Variants in DPYD observed in about 807,000 individuals in gnomAD.
DPYD encodes dihydropyrimidine dehydrogenase.
DPYD carries 109 observed loss-of-function variants against 116.2 expected under a neutral mutation model. That is an observed-to-expected ratio of 0.94 (90% CI 0.80 to 1.10). The LOEUF (loss-of-function observed/expected upper bound fraction) is 1.10, where lower values mean the gene tolerates loss of function less well. Ranked by LOEUF, DPYD falls within the 50% of genes least tolerant of loss-of-function variation. The pLI, the probability that DPYD is intolerant of heterozygous loss-of-function variation, is 0.00. For synonymous variants in DPYD, 440 were observed against 432.0 expected (o/e 1.02, Z -0.23); for missense variants, 1,302 against 1,254.5 (o/e 1.04, Z -0.57).
chr1:97,586,511 T>C (rs1557818849), intron 10 of DPYD, among the ~76,000 whole-genome samples: 1 of 100,910 alleles, frequency 9.9e-6, no homozygotes, highest in Non-Finnish European at 2.1e-5. Context: ...TATATATATA[T>C]ATATATATGC....
intron 11 of DPYD, among the ~76,000 whole-genome samples, chr1:97,572,439 T>C (rs557842074): frequency 1.3e-5 from 2 of 151,936 alleles, no homozygotes; most frequent in Non-Finnish European, 2.9e-5. Context: ...AATATTAGGA[T>C]TGTCAATTAT....
chr1:97,526,326 T>C (rs1649093168), intron 12 of DPYD, among the ~76,000 whole-genome samples: 1 of 152,120 alleles, frequency 6.6e-6, no homozygotes, highest in Non-Finnish European at 1.5e-5. Context: ...CTTCTCCCTC[T>C]TCCAATTGGC....
intron 13 of DPYD, among the ~76,000 whole-genome samples, chr1:97,469,411 A>AAAAAAAAAAAAAAAAAAAAAAAAAAAAG (rs1677512555): frequency 7.0e-6 from 1 of 143,006 alleles, no homozygotes; most frequent in African/African-American, 2.5e-5. Flanking sequence ...AAAAAAAAAA[A>AAAAAAAAAAAAAAAAAAAAAAAAAAAAG]AAAAAAAAAA....
intron 4 of DPYD, among the ~76,000 whole-genome samples, chr1:97,724,906 A>C (rs897911035): frequency 6.7e-6 from 1 of 149,352 alleles, no homozygotes; most frequent in Admixed American, 6.7e-5. Context: ...GGAGGGATAG[A>C]GATAGAGAAG....
intron 8 of DPYD, among the ~76,000 whole-genome samples, chr1:97,614,459 C>G (rs781302913): frequency 3.9e-5 from 6 of 151,982 alleles, no homozygotes; most frequent in Non-Finnish European, 7.4e-5. Context: ...CACATAAATA[C>G]TTTTAATAAA....
intron 16 of DPYD, among the ~76,000 whole-genome samples, chr1:97,357,789 G>A (rs368080152): frequency 5.7e-4 from 87 of 152,202 alleles, no homozygotes; most frequent in African/African-American, 1.6e-3. Flanking sequence ...ATATGTTTCC[G>A]TTTCTGAGTT....
At chr1:97,848,539 A>C (rs182114668) in intron 2 of DPYD, among the ~76,000 whole-genome samples, 1 of 152,360 alleles carries the variant, frequency 6.6e-6, no homozygotes, top group East Asian at 1.9e-4. Context: ...AAATGCAATT[A>C]TATTTTATGT....
chr1:97,605,060 C>A (rs1299427587), intron 8 of DPYD, among the ~76,000 whole-genome samples: 1 of 152,086 alleles, frequency 6.6e-6, no homozygotes, highest in African/African-American at 2.4e-5. Context: ...AATGTCTTTT[C>A]AAGTGTACAG....
intron 13 of DPYD, among the ~76,000 whole-genome samples, chr1:97,471,589 C>T (rs1032182245): frequency 3.4e-5 from 5 of 147,386 alleles, no homozygotes; most frequent in Non-Finnish European, 7.5e-5. Flanking sequence ...GATCGTCCCA[C>T]TTTCCTTTTT....
chr1:97,662,374 A>C (rs1659316774), intron 8 of DPYD, among the ~76,000 whole-genome samples: 1 of 151,756 alleles, frequency 6.6e-6, no homozygotes, highest in Non-Finnish European at 1.5e-5. Context: ...CTGATATTAA[A>C]ACACAGTGCT....
chr1:97,376,836 T>C (rs900976279), intron 15 of DPYD, among the ~76,000 whole-genome samples: 16 of 151,016 alleles, frequency 1.1e-4, no homozygotes, highest in Admixed American at 7.3e-4. Context: ...CTATTTATCA[T>C]CCATCTATAC....
chr1:97,475,309 A>G (rs766823334), intron 13 of DPYD, among the ~76,000 whole-genome samples: 1 of 152,198 alleles, frequency 6.6e-6, no homozygotes, highest in Non-Finnish European at 1.5e-5. Flanking sequence ...TATATTAAAA[A>G]CATATAGATA....
At chr1:97,871,589 C>CAA (rs370937833) in intron 2 of DPYD, among the ~76,000 whole-genome samples, 53 of 114,210 alleles carry the variant, frequency 4.6e-4, no homozygotes, top group Admixed American at 1.1e-3. Flanking sequence ...GAAATACAGG[C>CAA]AAAAAAAAAA....
At chr1:97,118,664 A>T (rs957757793) in intron 20 of DPYD, among the ~76,000 whole-genome samples, 4 of 152,218 alleles carry the variant, frequency 2.6e-5, no homozygotes, top group African/African-American at 9.6e-5. Context: ...TTTGTTTTAA[A>T]TATTTTTTCT....
At chr1:97,104,202 AAAG>A (rs1650960551) in intron 20 of DPYD, among the ~76,000 whole-genome samples, 1 of 152,124 alleles carries the variant, frequency 6.6e-6, no homozygotes, top group African/African-American at 2.4e-5. Context: ...ATAATTTTTC[AAAG>A]CTTAATGAAT....
Position 97,601,280 on chromosome 1 carries a change from A to G in DPYD, c.851-6114T>C, listed in dbSNP as rs1053596939. Among the ~76,000 whole-genome samples, 6 of 152,180 alleles carry G rather than the reference A, an allele frequency of 3.9e-5. No individual in the cohort carries two copies. The East Asian group carries it at 1.2e-3, about 29-fold the overall frequency. On this transcript the variant is annotated intron_variant, in intron 8 of 22. Coordinates refer to ENST00000370192, the MANE Select transcript of DPYD (RefSeq NM_000110.4). ...ATGCTGGTAAATCTAAAATAACATT[A>G]AAATGTAAGTCATTATTACTGTCTT...
At chr1:97,502,625 A>T (rs902263581) in intron 13 of DPYD, among the ~76,000 whole-genome samples, 9 of 152,026 alleles carry the variant, frequency 5.9e-5, no homozygotes, top group Admixed American at 1.3e-4. Context: ...ATAAGAGTAG[A>T]AGCAGCAAGA....
intron 3 of DPYD, among the ~76,000 whole-genome samples, chr1:97,788,065 C>G (rs1381447220): frequency 1.3e-5 from 2 of 152,114 alleles, no homozygotes; most frequent in African/African-American, 4.8e-5. Context: ...CCTGTATGTC[C>G]GTGATATTTA....
At chr1:97,704,007 T>A (rs114838211) in intron 5 of DPYD, among the ~76,000 whole-genome samples, 1,825 of 152,172 alleles carry the variant, frequency 0.012, 42 homozygotes, top group African/African-American at 0.042. Flanking sequence ...CAATGTTTTT[T>A]TAGCCACTAA....
Sources: gnomAD v4.1 joint callset for allele counts (sites outside exome capture counted in the v4.1 genomes callset) on GRCh38, gnomAD v4.1.1 for gene constraint, MANE v1.5 for transcripts, NCBI Gene and HGNC (gene_info 2026-07-23, HGNC 2026-07-21) for gene names.